Variants in PKHD1 observed in about 807,000 individuals in gnomAD.
The protein encoded by PKHD1 is fibrocystin.
Under a neutral mutation model 412.0 loss-of-function variants are expected in PKHD1, and 291 were observed. That is an observed-to-expected ratio of 0.71 (90% CI 0.64 to 0.78). The LOEUF is 0.78. Among genes scored for constraint, PKHD1 ranks in the 30% least tolerant of loss-of-function variants. The pLI is 0.00. For missense variants in PKHD1, 4,825 were observed against 4,950.7 expected, an observed-to-expected ratio of 0.97 and a Z score of 0.76; for synonymous variants, 1,777 against 1,821.5, an observed-to-expected ratio of 0.98 and a Z score of 0.62.
chr6:51,693,528 G>A (rs1778424007), intron 60 of PKHD1, among the ~76,000 whole-genome samples: 1 of 152,192 alleles, frequency 6.6e-6, no homozygotes, highest in Admixed American at 6.5e-5. Flanking sequence ...AATAGTCCAT[G>A]TTATTTTTAT....
intron 1 of PKHD1, 99 bp from the exon 2 acceptor site, chr6:52,085,116 C>A: frequency 1.7e-6 from 1 of 594,902 alleles, no homozygotes; most frequent in Non-Finnish European, 3.1e-6. Flanking sequence ...ATGAGATAAA[C>A]ATGGCCTTAG....
intron 43 of PKHD1, among the ~76,000 whole-genome samples, chr6:51,896,332 G>A (rs1243410276): frequency 5.9e-5 from 9 of 152,044 alleles, no homozygotes; most frequent in Non-Finnish European, 1.3e-4. Flanking sequence ...CGGGCAGACT[G>A]CCTCCTCAAG....
At chr6:51,673,740 A>G (rs1775389756) in intron 60 of PKHD1, among the ~76,000 whole-genome samples, 1 of 152,140 alleles carries the variant, frequency 6.6e-6, no homozygotes, top group African/African-American at 2.4e-5. Flanking sequence ...ATTATTTAGG[A>G]CATGGGAGCA....
chr6:52,075,840 C>T (rs747959502), intron 6 of PKHD1, among the ~76,000 whole-genome samples: 2 of 152,050 alleles, frequency 1.3e-5, no homozygotes, highest in Non-Finnish European at 2.9e-5. Context: ...CTCATTTCTT[C>T]AACTGCAAAA....
intron 36 of PKHD1, among the ~76,000 whole-genome samples, chr6:51,940,238 G>A (rs1049813376): frequency 2.4e-4 from 36 of 151,368 alleles, no homozygotes; most frequent in African/African-American, 8.0e-4. Flanking sequence ...ATTAAATTCC[G>A]GCCCTCAAAC....
chr6:51,656,486 T>G (rs1292084541), intron 61 of PKHD1, among the ~76,000 whole-genome samples: 2 of 151,796 alleles, frequency 1.3e-5, no homozygotes, highest in South Asian at 2.1e-4. Flanking sequence ...ATCAACAAAG[T>G]TTTGGAAGTT....
rs376358912 is a variant in PKHD1, at chr6:51,638,799, C to CAAA, written c.11506+47_11506+49dup. On this transcript the variant is annotated intron_variant, in intron 64 of 66. Coordinates refer to ENST00000371117, the MANE Select transcript of PKHD1 (RefSeq NM_138694.4). ...TATAAGGGAGAAAGGATTATCTTCT[C>CAAA]AAAAAAAAAAAAAAAAAACACAGAA... The CAAA allele has an allele frequency of 0.037, 30,907 of 834,788 alleles. 272 individuals are homozygous for CAAA. Among genetic ancestry groups the CAAA allele is most frequent in the East Asian group, 0.099 (3,555 of 35,976 alleles). The allele number at this position is 834,788 out of a possible 1,614,324, so 51.7% of individuals were successfully genotyped here.
rs1459648496 is a variant in PKHD1, at chr6:51,709,848, C to A, written c.10156+34537G>T. ...GTGTACCTGACATCTATGCTTTAGT[C>A]ATTTTTTTTTTTTTTTTACATAACT... On this transcript the variant is annotated intron_variant, in intron 60 of 66. Transcript: ENST00000371117. Among the ~76,000 whole-genome samples, 3 of 73,928 alleles carry A rather than the reference C, an allele frequency of 4.1e-5. No homozygotes were observed. The Admixed American group carries it at 5.0e-4, about 12-fold the overall frequency. The allele number at this position is 73,928 out of a possible 152,430, so 48.5% of individuals were successfully genotyped here. A position where few individuals can be genotyped will look rare whatever the true frequency, so the allele number is the denominator to read the frequency against.
intron 60 of PKHD1, chr6:51,721,964 C>G (rs1781975506): frequency 1.2e-6 from 2 of 1,613,492 alleles, no homozygotes; most frequent in Non-Finnish European, 1.7e-6. Context: ...TTTCAAAGTT[C>G]AGCTTCCTGC....
At chr6:52,061,895 A>AT (rs1562261282) in intron 14 of PKHD1, among the ~76,000 whole-genome samples, 1 of 152,260 alleles carries the variant, frequency 6.6e-6, no homozygotes, top group East Asian at 1.9e-4. Context: ...AAGCTTTTAT[A>AT]TTTTTAAGTT....
chr6:51,844,186 A>G (rs961253417), intron 50 of PKHD1, among the ~76,000 whole-genome samples: 8 of 152,220 alleles, frequency 5.3e-5, no homozygotes, highest in Admixed American at 2.6e-4. Context: ...CAATTCCAAG[A>G]GACAAGTAAG....
chr6:51,914,092 G>A (rs200328747), intron 37 of PKHD1, among the ~76,000 whole-genome samples: 5 of 151,966 alleles, frequency 3.3e-5, no homozygotes, highest in African/African-American at 7.2e-5. Flanking sequence ...ACAAAATGCC[G>A]TCAGACTCTG....
At chr6:52,043,755 C>T (rs1477637184) in intron 25 of PKHD1, 25 bp from the exon 26 acceptor site, 7 of 1,519,516 alleles carry the variant, frequency 4.6e-6, no homozygotes, top group Non-Finnish European at 6.4e-6. Context: ...AATTTCTTTT[C>T]CATTTTATGC....
At chr6:51,660,154 C>T (rs988327488) in intron 60 of PKHD1, among the ~76,000 whole-genome samples, 185 bp from the exon 61 acceptor site, 1 of 151,778 alleles carries the variant, frequency 6.6e-6, no homozygotes, top group Non-Finnish European at 1.5e-5. Context: ...AATAATAGTT[C>T]TTTAATATAT....
rs1307732644 is a variant in PKHD1 at position 51,746,796 on chromosome 6, G to C, written c.9923C>G (p.Pro3308Arg). 6.2e-7 allele frequency: 1 copy of C among 1,610,312 alleles called. No individual in the cohort carries two copies. The highest frequency in any genetic ancestry group is 8.5e-7 in the Non-Finnish European group (1 of 1,176,824). ...PNAENSGIMHPITAERTRMLK... is the reference protein window; with the variant it reads ...PNAENSGIMHRITAERTRMLK... ...CATCCTGGTCCTCTCTGCTGTTATT[G>C]GGTGCATAATTCCACTGTTCTCTGC... Residue 3308 changes from proline to arginine, a missense_variant, in exon 59 of 67, where the codon CCA (proline) becomes CGA (arginine). Coordinates refer to ENST00000371117, the MANE Select transcript of PKHD1 (RefSeq NM_138694.4).
intron 43 of PKHD1, among the ~76,000 whole-genome samples, chr6:51,894,387 T>C (rs914659525): frequency 6.6e-6 from 1 of 152,186 alleles, no homozygotes; most frequent in African/African-American, 2.4e-5. Flanking sequence ...GAAACTGCCC[T>C]GGACTCACCT....
intron 60 of PKHD1, among the ~76,000 whole-genome samples, chr6:51,702,308 T>A (rs1331620836): frequency 1.3e-5 from 2 of 151,146 alleles, no homozygotes; most frequent in Non-Finnish European, 3.0e-5. Flanking sequence ...GAGACTATTA[T>A]TTTAAGTGAA....
chr6:51,963,635 T>C (rs1792387740), intron 35 of PKHD1, among the ~76,000 whole-genome samples: 1 of 151,732 alleles, frequency 6.6e-6, no homozygotes, highest in African/African-American at 2.4e-5. Flanking sequence ...GTGCTATCAT[T>C]CCCTCCCAGG....
At chr6:51,674,915 C>G (rs1775596163) in intron 60 of PKHD1, among the ~76,000 whole-genome samples, 2 of 152,148 alleles carry the variant, frequency 1.3e-5, no homozygotes, top group South Asian at 4.1e-4. Context: ...GGATTATCAA[C>G]AAGTAATATT....
Sources: allele counts gnomAD v4.1 joint callset (sites outside exome capture counted in the v4.1 genomes callset), GRCh38; gene constraint gnomAD v4.1.1; transcripts MANE v1.5; gene names NCBI Gene and HGNC (gene_info 2026-07-23, HGNC 2026-07-21).